Variants in GLG1 observed in about 807,000 individuals in gnomAD.
GLG1 encodes the protein golgi glycoprotein 1, also known as Golgi apparatus protein 1.
Under a neutral mutation model 160.5 loss-of-function variants are expected in GLG1, and 38 were observed. The ratio of observed to expected loss-of-function variants is 0.24; its 90% CI spans 0.18 to 0.31. The LOEUF is 0.31. Among genes scored for constraint, GLG1 ranks in the 10% least tolerant of loss-of-function variants. The pLI is 1.00. For missense variants in GLG1, 1,373 were observed against 1,505.2 expected (o/e 0.91, Z 1.45); for synonymous variants, 644 against 543.4 (o/e 1.19, Z -2.57).
intron 2 of GLG1, among the ~76,000 whole-genome samples, chr16:74,527,494 C>T (rs533815067): frequency 1.3e-5 from 2 of 152,130 alleles, no homozygotes; most frequent in South Asian, 4.1e-4. Flanking sequence ...AGGTGATCCA[C>T]CCACCTCAGC....
chr16:74,575,030 C>T (rs1488699505), intron 1 of GLG1, among the ~76,000 whole-genome samples: 1 of 78,330 alleles, frequency 1.3e-5, no homozygotes, highest in Admixed American at 2.2e-4. Context: ...GGGCGGATCA[C>T]GAGGTCAAGA....
intron 3 of GLG1, 44 bp downstream of exon 3, chr16:74,508,795 T>C (rs2143489751): frequency 1.2e-6 from 1 of 806,910 alleles, no homozygotes; most frequent in South Asian, 1.4e-5. Context: ...GGTAATTTTC[T>C]CCTCTAAGCC....
At chr16:74,578,909 C>G (rs1957873125) in intron 1 of GLG1, among the ~76,000 whole-genome samples, 1 of 152,084 alleles carries the variant, frequency 6.6e-6, no homozygotes, top group Non-Finnish European at 1.5e-5. Context: ...TAATCTTTAA[C>G]AAGATGAAAA....
chr16:74,588,609 A>G (rs1210840384), intron 1 of GLG1, among the ~76,000 whole-genome samples: 2 of 151,932 alleles, frequency 1.3e-5, no homozygotes, highest in African/African-American at 4.8e-5. Flanking sequence ...TGTAGAGATG[A>G]GGTTTCGCCA....
chr16:74,489,671 G>A (rs1026564065), intron 8 of GLG1, among the ~76,000 whole-genome samples: 2 of 152,096 alleles, frequency 1.3e-5, no homozygotes, highest in Admixed American at 6.6e-5. Flanking sequence ...AAAATCAAAC[G>A]GCAGATTCCA....
At chr16:74,548,044 C>A (rs370442436) in intron 1 of GLG1, among the ~76,000 whole-genome samples, 1 of 152,234 alleles carries the variant, frequency 6.6e-6, no homozygotes. Flanking sequence ...ATTCTCCTGC[C>A]TCAGCCTCCC....
chr16:74,470,804 G>A (rs2015181419), intron 15 of GLG1, among the ~76,000 whole-genome samples: 1 of 149,576 alleles, frequency 6.7e-6, no homozygotes, highest in African/African-American at 2.5e-5. Context: ...CTGTTGCCCA[G>A]GCTGGAGCGC....
chr16:74,536,629 G>C (rs1308852009), intron 1 of GLG1, among the ~76,000 whole-genome samples: 1 of 152,176 alleles, frequency 6.6e-6, no homozygotes, highest in East Asian at 1.9e-4. Flanking sequence ...GAAGTTACAT[G>C]ATCCCTTGGG....
intron 1 of GLG1, among the ~76,000 whole-genome samples, chr16:74,577,137 G>T (rs2019026929): frequency 6.6e-6 from 1 of 152,064 alleles, no homozygotes; most frequent in Non-Finnish European, 1.5e-5. Flanking sequence ...TGTTGCCTAG[G>T]CTGGTCTCAA....
At chr16:74,457,374 G>A (rs2014597006) in intron 24 of GLG1, among the ~76,000 whole-genome samples, 1 of 152,166 alleles carries the variant, frequency 6.6e-6, no homozygotes, top group Non-Finnish European at 1.5e-5. Flanking sequence ...TCCAGCCTGG[G>A]TGACAGAGTG....
intron 1 of GLG1, among the ~76,000 whole-genome samples, chr16:74,580,314 A>G (rs1957909981): frequency 6.6e-6 from 1 of 151,668 alleles, no homozygotes; most frequent in Non-Finnish European, 1.5e-5. Context: ...CACAACCCCC[A>G]TCTCTACAAA....
At chr16:74,499,773 G>A (rs1298666631) in intron 4 of GLG1, among the ~76,000 whole-genome samples, 4 of 152,180 alleles carry the variant, frequency 2.6e-5, no homozygotes, top group Non-Finnish European at 4.4e-5. Flanking sequence ...GGAGGCCGAG[G>A]CAGGTGGATC....
intron 1 of GLG1, among the ~76,000 whole-genome samples, chr16:74,601,796 A>C (rs1958445855): frequency 6.6e-6 from 1 of 152,118 alleles, no homozygotes; most frequent in Non-Finnish European, 1.5e-5. Flanking sequence ...ACATTTATAA[A>C]CCTATGGCAT....
At chr16:74,484,539 G>C (rs1054992268) in intron 9 of GLG1, among the ~76,000 whole-genome samples, 1 of 151,868 alleles carries the variant, frequency 6.6e-6, no homozygotes, top group African/African-American at 2.4e-5. Context: ...GAGGCGGGTG[G>C]GTCATGAGGT....
At chr16:74,542,892 A>G (rs930931106) in intron 1 of GLG1, among the ~76,000 whole-genome samples, 3 of 152,230 alleles carry the variant, frequency 2.0e-5, no homozygotes, top group African/African-American at 7.2e-5. Flanking sequence ...GATTCTGTCA[A>G]TGCAGCTCAT....
intron 1 of GLG1, among the ~76,000 whole-genome samples, chr16:74,567,554 C>CTTTTTTTT (rs869140658): frequency 4.5e-5 from 3 of 66,448 alleles, no homozygotes; most frequent in East Asian, 4.5e-4. Context: ...GGTGCACTTT[C>CTTTTTTTT]TTTTTTTTTT....
chr16:74,462,550 T>C lies in GLG1; in HGVS notation c.2872A>G (p.Lys958Glu). 5.0e-6 allele frequency: 8 copies of C among 1,613,724 alleles called. No homozygotes were observed. Among genetic ancestry groups the C allele is most frequent in the African/African-American group, 1.3e-5 (1 of 75,052 alleles). ...KFCHGILTKA[K>E]DDSELEGQVI... ...TGTCCTTCTAATTCTGAATCATCCTTGGCCTTAGTCAGGATACCGTGACAG... is the reference window on the plus strand; with the variant it reads ...TGTCCTTCTAATTCTGAATCATCCTCGGCCTTAGTCAGGATACCGTGACAG... Residue 958 changes from lysine (K) to glutamate (E), a missense_variant, in exon 21 of 26, where the codon AAG becomes GAG. By Grantham distance (56) the Lys-to-Glu change is moderately conservative. Coordinates refer to ENST00000422840, the MANE Select transcript of GLG1 (RefSeq NM_001145667.2).
chr16:74,537,109 G>C (rs979352176), intron 1 of GLG1, among the ~76,000 whole-genome samples: 9 of 152,274 alleles, frequency 5.9e-5, no homozygotes, highest in Admixed American at 3.9e-4. Context: ...AAATATGAGA[G>C]AAATGATTCC....
intron 2 of GLG1, among the ~76,000 whole-genome samples, chr16:74,517,181 G>C (rs904719074): frequency 1.3e-5 from 2 of 152,142 alleles, no homozygotes; most frequent in Non-Finnish European, 2.9e-5. Context: ...GAAAAAGAGA[G>C]AATCCTCCCT....
Sources: gnomAD v4.1 joint callset for allele counts (sites outside exome capture counted in the v4.1 genomes callset) on GRCh38, gnomAD v4.1.1 for gene constraint, MANE v1.5 for transcripts, NCBI Gene and HGNC (gene_info 2026-07-23, HGNC 2026-07-21) for gene names.